SMARCAL1: variants seen among roughly 807,000 people sequenced by gnomAD.
SMARCAL1 encodes the protein ATP-driven annealing helicase.
SMARCAL1 carries 58 observed loss-of-function variants against 94.5 expected under a neutral mutation model. The ratio of observed to expected loss-of-function variants is 0.61; its 90% CI spans 0.50 to 0.76. The LOEUF (loss-of-function observed/expected upper bound fraction) is 0.76, where lower values mean the gene tolerates loss of function less well. Ranked by LOEUF, SMARCAL1 falls within the 30% of genes least tolerant of loss-of-function variation. The probability of loss-of-function intolerance (pLI) is 0.00; values close to 1 mark genes in which losing one functional copy is unlikely to be tolerated. For synonymous variants in SMARCAL1, 422 were observed against 455.1 expected, an observed-to-expected ratio of 0.93 and a Z score of 0.93; for missense variants, 1,051 against 1,177.9, an observed-to-expected ratio of 0.89 and a Z score of 1.58.
intron 12 of SMARCAL1, among the ~76,000 whole-genome samples, chr2:216,463,414 C>T (rs61528336): frequency 3.9e-5 from 6 of 152,038 alleles, no homozygotes; most frequent in African/African-American, 7.2e-5. Flanking sequence ...TCAAAGAGGG[C>T]GGAAGGAACA....
intron 7 of SMARCAL1, among the ~76,000 whole-genome samples, chr2:216,431,905 T>A (rs1693971858): frequency 6.6e-6 from 1 of 152,254 alleles, no homozygotes; most frequent in African/African-American, 2.4e-5. Context: ...CTGTCCTCAT[T>A]AGCAGCATCT....
intron 8 of SMARCAL1, 40 bp from the exon 9 acceptor site, chr2:216,435,298 G>A (rs775289881): frequency 6.2e-7 from 1 of 1,610,900 alleles, no homozygotes; most frequent in Non-Finnish European, 8.5e-7. Context: ...CTGCTGTGCT[G>A]GGTGGTCATT....
Position 216,432,758 on chromosome 2 carries a change from G to A in SMARCAL1, c.1375G>A (p.Asp459Asn), listed in dbSNP as rs1574456732. The change falls in exon 8 of 18, where the codon GAC becomes AAC. Residue 459 changes from aspartate (D) to asparagine (N), a missense_variant. By Grantham distance (23) the Asp-to-Asn change is conservative. This residue lies in a region of SMARCAL1 where 642 missense variants were observed against 754.7 expected (regional missense o/e 0.85). Coordinates refer to ENST00000357276, the MANE Select transcript of SMARCAL1 (RefSeq NM_014140.4). ...AGGAGGCCGCCTGCTGCTCGCTGAC[G>A]ACATGGGCCTGGGGAAGACCATCCA... ...AKGGRLLLAD[D>N]MGLGKTIQAI... The A allele has an allele frequency of 3.1e-6, 5 of 1,614,178 alleles. No homozygotes were observed. Among genetic ancestry groups the A allele is most frequent in the Non-Finnish European group, 4.2e-6 (5 of 1,180,044 alleles).
In SMARCAL1 at chr2:216,442,416, CAA is replaced by C. The variant is rs375677725; in HGVS notation, c.1710+3951_1710+3952del. ...TGAGCAACACAGCTAGACTCTGTCT[CAA>C]AAAAAAAAAAAAAAAAAAATTCAAA... On this transcript the variant is annotated intron_variant, in intron 10 of 17. Transcript: ENST00000357276. Among the ~76,000 whole-genome samples the C allele has an allele frequency of 4.3e-3, 383 of 88,720 alleles. 2 individuals carry two copies. The highest frequency in any genetic ancestry group is 0.012 in the African/African-American group (334 of 27,118). 58.2% of individuals were successfully genotyped at this position (88,720 alleles called of 152,430 possible). A position where few individuals can be genotyped will look rare whatever the true frequency, so the allele number is the denominator to read the frequency against.
intron 11 of SMARCAL1, among the ~76,000 whole-genome samples, chr2:216,450,423 ATG>A (rs1225731637): frequency 1.3e-5 from 2 of 152,218 alleles, no homozygotes; most frequent in South Asian, 4.1e-4. Context: ...TCAAATAAAG[ATG>A]TTACTGACAT....
Position 216,420,443 on chromosome 2 carries a change from T to G in SMARCAL1, c.1007T>G (p.Met336Arg). The G allele has an allele frequency of 6.2e-7, 1 of 1,614,168 alleles. No individual in the cohort carries two copies. Among genetic ancestry groups the G allele is most frequent in the East Asian group, 2.2e-5 (1 of 44,884 alleles). ...PSLSFVKGRC[M>R]LISRAYFEAD... ...CTTTCATTTGTCAAAGGGCGATGCA[T>G]GCTCATCTCCAGGGCCTACTTCGAG... is the stretch of plus-strand genomic sequence containing the variant. The change falls in exon 5 of 18, where the codon ATG becomes AGG. Residue 336 changes from methionine (M) to arginine (R), a missense_variant. Met to Arg is a moderately conservative substitution (Grantham distance 91, BLOSUM62 -1). Around this residue, in one of 3 missense-constraint regions of SMARCAL1, gnomAD observed 11 missense variants for 28.0 expected, o/e 0.39. Coordinates refer to ENST00000357276, the MANE Select transcript of SMARCAL1 (RefSeq NM_014140.4).
At chr2:216,459,815 A>G (rs1302604099) in intron 12 of SMARCAL1, among the ~76,000 whole-genome samples, 1 of 152,082 alleles carries the variant, frequency 6.6e-6, no homozygotes, top group African/African-American at 2.4e-5. Context: ...CAATGGCAAC[A>G]AAAGCCAAAA....
chr2:216,482,885 AC>A lies in SMARCAL1; in HGVS notation c.2776del (p.Leu926TrpfsTer6). The stretch of plus-strand genomic sequence containing the variant: ...AAGTAGTTCCCAGAACATGGGAGAC[AC>A]CCTGGATGAAAGCTCATTGACAGCC... ...SGSSSQNMGD[T>X]LDESSLTASP... On this transcript the variant is annotated frameshift_variant, in exon 18 of 18. Transcript: ENST00000357276. LOFTEE classifies it high-confidence loss of function. This position sits in a 1 kb window ranked among gnomAD's most constrained non-coding sequence, Gnocchi z 4.3. The A allele has an allele frequency of 6.2e-7, 1 of 1,614,206 alleles. No individual in the cohort carries two copies. The highest frequency in any genetic ancestry group is 1.1e-5 in the South Asian group (1 of 91,082).
intron 12 of SMARCAL1, among the ~76,000 whole-genome samples, chr2:216,457,687 A>G (rs1434065194): frequency 6.6e-6 from 1 of 152,244 alleles, no homozygotes; most frequent in Non-Finnish European, 1.5e-5. Context: ...CATTTAAAGC[A>G]GTGTGTAGAG....
chr2:216,474,922 T>C (rs1695038899), intron 14 of SMARCAL1, among the ~76,000 whole-genome samples: 1 of 152,176 alleles, frequency 6.6e-6, no homozygotes, highest in African/African-American at 2.4e-5. Flanking sequence ...ACACAGGTGA[T>C]AAAATTGTGT....
intron 10 of SMARCAL1, among the ~76,000 whole-genome samples, chr2:216,441,980 T>C (rs1694206889): frequency 6.6e-6 from 1 of 152,236 alleles, no homozygotes; most frequent in African/African-American, 2.4e-5. Flanking sequence ...TACCATTCTT[T>C]CCTAAGAAGC....
intron 5 of SMARCAL1, among the ~76,000 whole-genome samples, chr2:216,423,401 T>G (rs1374526550): frequency 6.6e-6 from 1 of 152,218 alleles, no homozygotes; most frequent in Non-Finnish European, 1.5e-5. Flanking sequence ...TCACAACCCT[T>G]ACAACCCAGT....
chr2:216,426,774 C>T (rs963579947), intron 6 of SMARCAL1, among the ~76,000 whole-genome samples: 4 of 152,210 alleles, frequency 2.6e-5, no homozygotes, highest in South Asian at 2.1e-4. Context: ...GTTCTGATTT[C>T]TCCGCCAGTA....
chr2:216,453,813 T>C (rs1432861199), intron 12 of SMARCAL1, among the ~76,000 whole-genome samples: 2 of 152,254 alleles, frequency 1.3e-5, no homozygotes, highest in Non-Finnish European at 2.9e-5. Context: ...TGTCAAGAAT[T>C]GATTCTTTGT....
rs1473095593 is a variant in SMARCAL1, at chr2:216,482,974, G to A, written c.2862G>A (p.Leu954=). The stretch of plus-strand genomic sequence containing the variant: ...ACTGGGACAGCTTTACGTCTCCCCT[G>A]TAAAAGGGGCAAAAAGAAAAAAATA... ...FDNWDSFTSP[L] Residue 954 remains leucine, a synonymous_variant, in exon 18 of 18, where the codon CTG becomes CTA. Coordinates refer to ENST00000357276, the MANE Select transcript of SMARCAL1 (RefSeq NM_014140.4). This position sits in a 1 kb window ranked among gnomAD's most constrained non-coding sequence, Gnocchi z 4.3. The A allele has an allele frequency of 1.2e-6, 2 of 1,613,238 alleles. No homozygotes were observed. Among genetic ancestry groups the A allele is most frequent in the African/African-American group, 1.3e-5 (1 of 74,938 alleles).
At position 216,414,811 on chromosome 2, in the gene SMARCAL1, C is replaced by T; in HGVS notation, c.107C>T (p.Thr36Ile). 1.2e-6 allele frequency: 2 copies of T among 1,614,234 alleles called. 1 individual carries two copies. Among genetic ancestry groups the T allele is most frequent in the Middle Eastern group, 3.3e-4 (2 of 6,062 alleles). Residue 36 changes from threonine to isoleucine, a missense_variant, in exon 3 of 18, where the codon ACT becomes ATT. Transcript: ENST00000357276. The stretch of plus-strand genomic sequence containing the variant: ...TTATTGGCAGAACAGCATCAGAGGA[C>T]TAGCTCGGGCACCTCCATTGCTGGC... ...EKLLAEQHQR[T>I]SSGTSIAGNP...
intron 10 of SMARCAL1, among the ~76,000 whole-genome samples, chr2:216,444,434 A>T (rs1266018193): frequency 1.3e-5 from 2 of 151,686 alleles, no homozygotes; most frequent in African/African-American, 4.8e-5. Context: ...GAATTTCTGG[A>T]CTGCTTCTTA....
chr2:216,414,450 C>T, intron 2 of SMARCAL1, 197 bp from the exon 3 acceptor site: 2 of 469,100 alleles, frequency 4.3e-6, no homozygotes, highest in Non-Finnish European at 7.8e-6. Context: ...CTGCTTTTTG[C>T]TTTTTGATCA....
chr2:216,456,532 G>A (rs374886296), intron 12 of SMARCAL1, among the ~76,000 whole-genome samples: 1 of 132,154 alleles, frequency 7.6e-6, no homozygotes, highest in African/African-American at 3.0e-5. Flanking sequence ...GAGAGTGGGG[G>A]CCAATATTCA....
Sources: gnomAD v4.1 joint callset for allele counts (sites outside exome capture counted in the v4.1 genomes callset) on GRCh38, gnomAD v4.1.1 for gene constraint, gnomAD v4.1.1 regional missense constraint, Gnocchi (gnomAD v3.1) non-coding constraint, MANE v1.5 for transcripts, NCBI Gene and HGNC (gene_info 2026-07-23, HGNC 2026-07-21) for gene names.